The following UEVLD variants were observed in gnomAD, a reference collection of about 807,000 sequenced individuals.
The protein encoded by UEVLD is ubiquitin-conjugating enzyme E2 variant 3.
Under a neutral mutation model 58.6 loss-of-function variants are expected in UEVLD, and 47 were observed. The observed-to-expected ratio is 0.80, with a 90% CI of 0.63 to 1.02. UEVLD has a LOEUF of 1.02. Among genes scored for constraint, UEVLD ranks in the 50% least tolerant of loss-of-function variants. UEVLD has a pLI of 0.00. For synonymous variants in UEVLD, 197 were observed against 195.3 expected (o/e 1.01, Z -0.07); for missense variants, 510 against 550.6 (o/e 0.93, Z 0.74).
Position 18,529,895 on chromosome 11 carries a change from GA to G in UEVLD, c.*2424del, listed in dbSNP as rs1398015109. 6.6e-6 allele frequency: 1 copy of G among 152,140 alleles called. No homozygotes were observed. The highest frequency in any genetic ancestry group is 1.5e-5 in the Non-Finnish European group (1 of 68,014). The allele number at this position is 152,140 out of a possible 1,614,324, so 9.4% of individuals were successfully genotyped here. The stretch of plus-strand genomic sequence containing the variant: ...ATTACTAATACACTTAACACTCAAG[GA>G]AATATCTGATACAGAGAATTACTTC... On this transcript the variant is annotated 3_prime_UTR_variant, in exon 12 of 12. Transcript: ENST00000396197.
At chr11:18,582,213 T>C (rs1164768739) in intron 1 of UEVLD, among the ~76,000 whole-genome samples, 3 of 152,208 alleles carry the variant, frequency 2.0e-5, no homozygotes, top group African/African-American at 4.8e-5. Context: ...TACACTAGAA[T>C]TGATTTAATT....
At chr11:18,565,052 A>T (rs775625916) in intron 5 of UEVLD, 42 bp from the exon 6 acceptor site, 4 of 1,465,782 alleles carry the variant, frequency 2.7e-6, no homozygotes, top group Non-Finnish European at 2.8e-6. Context: ...CAAAAATATC[A>T]AGAATTTTTT....
chr11:18,564,825 TAAAA>T, intron 6 of UEVLD, 63 bp downstream of exon 6: 1 of 1,183,836 alleles, frequency 8.4e-7, no homozygotes, highest in Non-Finnish European at 1.2e-6. Flanking sequence ...TTTTGGTGTG[TAAAA>T]CACAACCTGC....
At chr11:18,573,936 C>T (rs866327013) in intron 3 of UEVLD, among the ~76,000 whole-genome samples, 1 of 150,840 alleles carries the variant, frequency 6.6e-6, no homozygotes, top group South Asian at 2.1e-4. Context: ...TGTTCTCTCC[C>T]TATTTGGTTT....
chr11:18,570,524 T>C (rs908002398), intron 3 of UEVLD, 147 bp from the exon 4 acceptor site: 18 of 656,872 alleles, frequency 2.7e-5, no homozygotes, highest in African/African-American at 9.7e-5. Flanking sequence ...GGTGAGCAGA[T>C]TGCATGAGCC....
chr11:18,579,012 C>T (rs1022266111), intron 1 of UEVLD, among the ~76,000 whole-genome samples: 7 of 152,128 alleles, frequency 4.6e-5, no homozygotes, highest in Admixed American at 2.6e-4. Context: ...GGATTACAGG[C>T]GCACGCCACC....
At chr11:18,532,540 A>C (rs1850612257) in intron 11 of UEVLD, 53 bp from the exon 12 acceptor site, 1 of 1,386,426 alleles carries the variant, frequency 7.2e-7, no homozygotes, top group Non-Finnish European at 9.7e-7. Context: ...CAAAGAAGTT[A>C]ATACAAAAAT....
intron 6 of UEVLD, among the ~76,000 whole-genome samples, chr11:18,559,344 G>T (rs1048445397): frequency 6.6e-6 from 1 of 151,892 alleles, no homozygotes; most frequent in African/African-American, 2.4e-5. Context: ...GATTACAGGC[G>T]TGCACCACCT....
intron 5 of UEVLD, 138 bp downstream of exon 5, chr11:18,566,209 G>A: frequency 7.8e-7 from 1 of 1,282,812 alleles, no homozygotes; most frequent in Non-Finnish European, 1.1e-6. Flanking sequence ...TGAGGCACAG[G>A]AATTTCTTAT....
intron 8 of UEVLD, among the ~76,000 whole-genome samples, chr11:18,546,401 G>A (rs1235361648): frequency 6.6e-6 from 1 of 152,020 alleles, no homozygotes; most frequent in Non-Finnish European, 1.5e-5. Flanking sequence ...GTAACTGGTT[G>A]CCAGAATATT....
At chr11:18,536,301 G>T in intron 10 of UEVLD, 105 bp downstream of exon 10, 1 of 1,070,820 alleles carries the variant, frequency 9.3e-7, no homozygotes, top group Non-Finnish European at 1.4e-6. Flanking sequence ...GTCCATATTA[G>T]TTTTGTTTCC....
intron 1 of UEVLD, chr11:18,579,479 T>C (rs1196336286): frequency 1.0e-6 from 1 of 985,310 alleles, no homozygotes; most frequent in Admixed American, 6.1e-5. Flanking sequence ...CTCACCACTA[T>C]GCAGGATCCA....
Position 18,558,274 on chromosome 11 carries a change from C to T in UEVLD, c.669G>A (p.Thr223=). The T allele has an allele frequency of 6.2e-7, 1 of 1,613,442 alleles. No individual in the cohort carries two copies. Among genetic ancestry groups the T allele is most frequent in the South Asian group, 1.1e-5 (1 of 90,826 alleles). The change falls in exon 7 of 12, where the codon ACG becomes ACA. Residue 223 remains threonine (T), a synonymous_variant. Coordinates refer to ENST00000396197, the MANE Select transcript of UEVLD (RefSeq NM_001040697.4). ...GAAGGTTGAAGATTTCAAGGTCCAT[C>T]GTGGCTCCTTTAGTCCCTTCTGAGA... ...LDLSEGTKGA[T]MDLEIFNLPN...
chr11:18,577,519 T>A (rs1852978897), intron 2 of UEVLD, among the ~76,000 whole-genome samples: 1 of 152,184 alleles, frequency 6.6e-6, no homozygotes, highest in Admixed American at 6.5e-5. Flanking sequence ...TTTCAAACAA[T>A]CAAACTACCT....
chr11:18,567,551 G>A (rs1464506800), intron 4 of UEVLD, among the ~76,000 whole-genome samples: 1 of 152,144 alleles, frequency 6.6e-6, no homozygotes, highest in Non-Finnish European at 1.5e-5. Context: ...CTGGAGAGAC[G>A]GTTATTGTGG....
intron 7 of UEVLD, among the ~76,000 whole-genome samples, chr11:18,555,909 G>A (rs569139156): frequency 3.9e-5 from 6 of 152,160 alleles, no homozygotes; most frequent in South Asian, 4.1e-4. Context: ...TGATGGCACC[G>A]CTGCACTCCA....
chr11:18,564,347 G>A (rs928448187), intron 6 of UEVLD, among the ~76,000 whole-genome samples: 3 of 152,140 alleles, frequency 2.0e-5, no homozygotes, highest in Admixed American at 6.5e-5. Context: ...ATGATACTAG[G>A]CTCTGGAGGG....
chr11:18,566,599 T>A, intron 4 of UEVLD, 117 bp from the exon 5 acceptor site: 1 of 1,035,434 alleles, frequency 9.7e-7, no homozygotes. Context: ...GAGTTATGGT[T>A]GCACCACTAT....
intron 2 of UEVLD, among the ~76,000 whole-genome samples, chr11:18,576,926 T>C (rs1452695682): frequency 1.3e-5 from 2 of 152,234 alleles, no homozygotes; most frequent in African/African-American, 2.4e-5. Context: ...CTCATGCCTG[T>C]AATCCCAGCA....
Sources: gnomAD v4.1 joint callset for allele counts (sites outside exome capture counted in the v4.1 genomes callset) on GRCh38, gnomAD v4.1.1 for gene constraint, MANE v1.5 for transcripts, NCBI Gene and HGNC (gene_info 2026-07-23, HGNC 2026-07-21) for gene names.